Variants in PIAS2 observed in about 807,000 individuals in gnomAD.
PIAS2 encodes the protein protein inhibitor of activated STAT 2.
A neutral mutation model predicts 69.7 loss-of-function variants in PIAS2; 19 were observed. That is an observed-to-expected ratio of 0.27 (90% CI 0.19 to 0.40). The LOEUF is 0.40. PIAS2 is among the 10% of genes least tolerant of loss of function. The probability of loss-of-function intolerance (pLI) is 1.00; values close to 1 mark genes in which losing one functional copy is unlikely to be tolerated. For synonymous variants in PIAS2, 261 were observed against 263.2 expected (o/e 0.99, Z 0.08); for missense variants, 624 against 757.0 (o/e 0.82, Z 2.06).
intron 12 of PIAS2, chr18:46,817,761 A>C: frequency 1.1e-6 from 1 of 950,888 alleles, no homozygotes; most frequent in Middle Eastern, 5.4e-4. Context: ...TTTTTTCTCA[A>C]GTACTAACAG....
chr18:46,826,075 T>C (rs1312801418), intron 11 of PIAS2, among the ~76,000 whole-genome samples: 3 of 152,246 alleles, frequency 2.0e-5, no homozygotes, highest in African/African-American at 4.8e-5. Flanking sequence ...ATCAGCTTCA[T>C]GGAACGAACT....
chr18:46,892,703 A>C (rs1315494207), intron 1 of PIAS2, among the ~76,000 whole-genome samples: 1 of 152,058 alleles, frequency 6.6e-6, no homozygotes, highest in Non-Finnish European at 1.5e-5. Context: ...GAGCCCAGGA[A>C]TTTGAGGCTA....
intron 2 of PIAS2, among the ~76,000 whole-genome samples, chr18:46,882,999 G>A (rs545009963): frequency 6.6e-6 from 1 of 150,800 alleles, no homozygotes; most frequent in East Asian, 1.9e-4. Context: ...GGCTGCGGCA[G>A]GAAAAAAAAA....
intron 5 of PIAS2, among the ~76,000 whole-genome samples, chr18:46,849,989 C>T (rs1292774523): frequency 6.6e-6 from 1 of 152,150 alleles, no homozygotes; most frequent in African/African-American, 2.4e-5. Flanking sequence ...ATTACAACCC[C>T]ACAAAAATAA....
chr18:46,914,761 GCAGCCAAATATGTGGCATC>G (rs2057630982), intron 1 of PIAS2, among the ~76,000 whole-genome samples: 1 of 152,054 alleles, frequency 6.6e-6, no homozygotes. Flanking sequence ...TGGCATATCA[GCAGCCAAATATGTGGCATC>G]CAGATCGGCT....
chr18:46,812,664 A>G (rs1183182962), intron 13 of PIAS2, 52 bp from the exon 14 acceptor site: 2 of 1,098,388 alleles, frequency 1.8e-6, no homozygotes, highest in Non-Finnish European at 2.7e-6. Context: ...TTGATTTTAA[A>G]TAAAGAGACT....
intron 2 of PIAS2, among the ~76,000 whole-genome samples, chr18:46,877,441 A>G (rs1429132908): frequency 1.3e-5 from 2 of 152,092 alleles, no homozygotes; most frequent in South Asian, 4.1e-4. Context: ...TGTAAGTCAC[A>G]TCTCTTCCTT....
chr18:46,907,146 G>C (rs919582504), intron 1 of PIAS2, among the ~76,000 whole-genome samples: 1 of 152,072 alleles, frequency 6.6e-6, no homozygotes, highest in South Asian at 2.1e-4. Flanking sequence ...ATAGACTCAG[G>C]GGAAACAAGA....
At chr18:46,885,876 G>A (rs2053098794) in intron 2 of PIAS2, among the ~76,000 whole-genome samples, 1 of 152,222 alleles carries the variant, frequency 6.6e-6, no homozygotes, top group Non-Finnish European at 1.5e-5. Flanking sequence ...AAATGAGATA[G>A]TTTTGAACAC....
intron 1 of PIAS2, chr18:46,891,685 A>T: frequency 2.1e-6 from 2 of 967,218 alleles, no homozygotes; most frequent in Non-Finnish European, 2.5e-6. Flanking sequence ...TGAAATTCCC[A>T]GCTGGGTATC....
intron 12 of PIAS2, among the ~76,000 whole-genome samples, chr18:46,819,100 G>T (rs888609167): frequency 6.6e-5 from 10 of 152,058 alleles, no homozygotes; most frequent in African/African-American, 2.4e-4. Context: ...TAAATGGTAG[G>T]ATCACTTTAA....
rs1321272327 is a variant in PIAS2, at chr18:46,803,623, C to G, written c.*8810G>C. The G allele has an allele frequency of 6.6e-6, 1 of 152,130 alleles. No homozygotes were observed. Among genetic ancestry groups the G allele is most frequent in the African/African-American group, 2.4e-5 (1 of 41,414 alleles). 9.4% of individuals were successfully genotyped at this position (152,130 alleles called of 1,614,324 possible). ...GACATCAGGTCAACTGATTTTTGTT[C>G]CAGTTCCAAAGTATTGAGTCTAATA... On this transcript the variant is annotated 3_prime_UTR_variant, in exon 14 of 14. Transcript: ENST00000585916.
At chr18:46,917,225 CCA>C in intron 1 of PIAS2, 95 bp downstream of exon 1, 2 of 1,391,418 alleles carry the variant, frequency 1.4e-6, no homozygotes, top group Non-Finnish European at 1.9e-6. Context: ...CCAACCGGCC[CCA>C]GAGGCACGAG....
At chr18:46,815,004 A>G (rs540096452) in intron 13 of PIAS2, among the ~76,000 whole-genome samples, 57 of 152,310 alleles carry the variant, frequency 3.7e-4, no homozygotes, top group Non-Finnish European at 6.9e-4. Context: ...TATTTGTAAA[A>G]TTTTAACTTC....
At chr18:46,869,761 T>G (rs2050050410) in intron 2 of PIAS2, among the ~76,000 whole-genome samples, 1 of 152,168 alleles carries the variant, frequency 6.6e-6, no homozygotes, top group Non-Finnish European at 1.5e-5. Context: ...CCTCACACCC[T>G]CAGTTTTCTG....
chr18:46,869,031 G>GT (rs2049925826), intron 2 of PIAS2, among the ~76,000 whole-genome samples: 1 of 152,234 alleles, frequency 6.6e-6, no homozygotes, highest in South Asian at 2.1e-4. Flanking sequence ...TTCCTTGGTG[G>GT]TTGGGACAAC....
chr18:46,915,342 G>A (rs72917111), intron 1 of PIAS2: 1,682 of 152,302 alleles, frequency 0.011, 17 homozygotes, highest in Non-Finnish European at 0.017. Context: ...TGGGATGTAA[G>A]GGCGGGGTAC....
At chr18:46,902,018 C>A (rs1412744880) in intron 1 of PIAS2, among the ~76,000 whole-genome samples, 4 of 152,050 alleles carry the variant, frequency 2.6e-5, no homozygotes, top group African/African-American at 9.7e-5. Flanking sequence ...CATAGAAAAT[C>A]TCAACAAATC....
At chr18:46,906,774 G>GTT (rs71264811) in intron 1 of PIAS2, among the ~76,000 whole-genome samples, 1 of 82,038 alleles carries the variant, frequency 1.2e-5, no homozygotes, top group Non-Finnish European at 2.6e-5. Context: ...GTGTGTGTGT[G>GTT]GGGGGGGGGG....
Sources: gnomAD v4.1 joint callset for allele counts (sites outside exome capture counted in the v4.1 genomes callset) on GRCh38, gnomAD v4.1.1 for gene constraint, MANE v1.5 for transcripts, NCBI Gene and HGNC (gene_info 2026-07-23, HGNC 2026-07-21) for gene names.